The following NFX1 variants were observed in gnomAD, a reference collection of about 807,000 sequenced individuals.
NFX1 encodes the protein transcriptional repressor NF-X1.
A neutral mutation model predicts 137.2 loss-of-function variants in NFX1; 69 were observed. The ratio of observed to expected loss-of-function variants is 0.50; its 90% CI spans 0.41 to 0.61. The LOEUF (loss-of-function observed/expected upper bound fraction) is 0.61, where lower values mean the gene tolerates loss of function less well. Ranked by LOEUF, NFX1 falls within the 20% of genes least tolerant of loss-of-function variation. The pLI is 0.00. For missense variants in NFX1, 1,167 were observed against 1,391.0 expected, an observed-to-expected ratio of 0.84 and a Z score of 2.56; for synonymous variants, 495 against 474.1, an observed-to-expected ratio of 1.04 and a Z score of -0.57.
rs920582359 is a variant in NFX1 at position 33,362,984 on chromosome 9, G to A, written c.2874-1026G>A. On this transcript the variant is annotated intron_variant, in intron 19 of 23. Transcript: ENST00000379540. ...CTCCCAAAGTGCTGGGATTACAGGC[G>A]TGAGCCACCGTACCCAGCCTAAGTT... 1.8e-4 allele frequency among the ~76,000 whole-genome samples: 27 copies of A among 151,944 alleles called. No individual in the cohort carries two copies. In the South Asian group the frequency reaches 1.9e-3, roughly 11 times the overall value.
chr9:33,354,669 G>A (rs1823753469), intron 18 of NFX1, among the ~76,000 whole-genome samples, 182 bp from the exon 19 acceptor site: 2 of 152,174 alleles, frequency 1.3e-5, no homozygotes, highest in South Asian at 4.1e-4. Flanking sequence ...GGTATTTCTA[G>A]GGCAAGGTTA....
chr9:33,348,795 G>A, intron 15 of NFX1: 1 of 984,848 alleles, frequency 1.0e-6, no homozygotes, highest in Non-Finnish European at 1.2e-6. Flanking sequence ...TACCATTCTG[G>A]CATATAAACC....
At chr9:33,353,517 C>T (rs1287738825) in intron 17 of NFX1, among the ~76,000 whole-genome samples, 1 of 152,004 alleles carries the variant, frequency 6.6e-6, no homozygotes, top group African/African-American at 2.4e-5. Flanking sequence ...GTTTGAATAC[C>T]TACTAAGTGC....
intron 9 of NFX1, 145 bp downstream of exon 9, chr9:33,319,272 C>A: frequency 1.4e-6 from 1 of 702,462 alleles, no homozygotes; most frequent in Non-Finnish European, 2.3e-6. Flanking sequence ...GGTACGTTTT[C>A]TTTCCTCCTC....
chr9:33,291,374 A>G (rs1335657288), intron 1 of NFX1, among the ~76,000 whole-genome samples: 3 of 152,236 alleles, frequency 2.0e-5, no homozygotes, highest in African/African-American at 4.8e-5. Flanking sequence ...TTGTTTTACA[A>G]TCAGCAATAT....
At chr9:33,355,865 G>A (rs1232441099) in intron 19 of NFX1, among the ~76,000 whole-genome samples, 2 of 151,882 alleles carry the variant, frequency 1.3e-5, no homozygotes, top group African/African-American at 4.8e-5. Flanking sequence ...GGCTGGTCTC[G>A]AACTCCTGAC....
chr9:33,308,715 C>A (rs1469787307), intron 5 of NFX1, among the ~76,000 whole-genome samples: 2 of 152,174 alleles, frequency 1.3e-5, no homozygotes, highest in African/African-American at 2.4e-5. Context: ...ATTAGTGCAT[C>A]TATGCGGCTC....
intron 11 of NFX1, among the ~76,000 whole-genome samples, chr9:33,335,556 A>G (rs1481967167): frequency 6.6e-6 from 1 of 151,964 alleles, no homozygotes; most frequent in Non-Finnish European, 1.5e-5. Flanking sequence ...TATTTTAAAA[A>G]TATGTTGAGA....
intron 23 of NFX1, among the ~76,000 whole-genome samples, chr9:33,369,343 G>A (rs761432507): frequency 3.3e-5 from 5 of 152,190 alleles, no homozygotes; most frequent in South Asian, 2.1e-4. Context: ...GATTACAGGC[G>A]TGAGCCACCA....
intron 9 of NFX1, among the ~76,000 whole-genome samples, chr9:33,321,938 A>T (rs1346258321): frequency 1.3e-5 from 2 of 151,690 alleles, no homozygotes; most frequent in Non-Finnish European, 2.9e-5. Context: ...AGTGGTTCAC[A>T]TCTGTAATCC....
intron 7 of NFX1, among the ~76,000 whole-genome samples, chr9:33,315,412 T>C (rs1334734426): frequency 6.6e-6 from 1 of 152,184 alleles, no homozygotes; most frequent in Non-Finnish European, 1.5e-5. Context: ...TTTTCTTTTA[T>C]TGAGCCAAAA....
intron 6 of NFX1, among the ~76,000 whole-genome samples, chr9:33,312,769 G>T (rs1480385190): frequency 6.6e-6 from 1 of 152,222 alleles, no homozygotes; most frequent in Non-Finnish European, 1.5e-5. Flanking sequence ...TACTGGGGAG[G>T]TTGAGGTAGG....
intron 6 of NFX1, among the ~76,000 whole-genome samples, chr9:33,312,691 T>C (rs1483209963): frequency 6.6e-6 from 1 of 152,186 alleles, no homozygotes; most frequent in African/African-American, 2.4e-5. Flanking sequence ...GCCAACATGG[T>C]GAAACCCCGT....
chr9:33,307,778 T>TTTTC (rs200849911), intron 5 of NFX1, among the ~76,000 whole-genome samples: 2 of 146,654 alleles, frequency 1.4e-5, no homozygotes, highest in African/African-American at 5.2e-5. Context: ...ATGTCAATCT[T>TTTTC]TTTCTTTCTT....
intron 10 of NFX1, among the ~76,000 whole-genome samples, chr9:33,329,684 A>C (rs1019459663): frequency 6.6e-6 from 1 of 150,542 alleles, no homozygotes; most frequent in African/African-American, 2.5e-5. Context: ...TTTGAGACAG[A>C]GTCTCACTCC....
intron 15 of NFX1, chr9:33,348,382 A>G (rs531637205): frequency 6.6e-6 from 1 of 152,208 alleles, no homozygotes; most frequent in East Asian, 1.9e-4. Context: ...AAAACTACAC[A>G]TTGGGTACAA....
Position 33,352,690 on chromosome 9 carries a change from T to G in NFX1, c.2700T>G (p.Ile900Met). The G allele has an allele frequency of 6.2e-7, 1 of 1,614,214 alleles. No homozygotes were observed. Among genetic ancestry groups the G allele is most frequent in the East Asian group, 2.2e-5 (1 of 44,888 alleles). ...CECGRRKEMV[I>M]CSEASSTYQR... is the part of the protein sequence containing the mutation. Reference sequence around the variant, plus strand: ...GTGGACGAAGAAAAGAGATGGTGATTTGCTCTGAAGCATCTAGTACTTATC... The same window carrying G: ...GTGGACGAAGAAAAGAGATGGTGATGTGCTCTGAAGCATCTAGTACTTATC... Residue 900 changes from isoleucine to methionine, a missense_variant, in exon 17 of 24, where the codon ATT becomes ATG. Coordinates refer to ENST00000379540, the MANE Select transcript of NFX1 (RefSeq NM_002504.6).
intron 23 of NFX1, among the ~76,000 whole-genome samples, chr9:33,369,002 T>G (rs1036107021): frequency 1.3e-5 from 2 of 152,158 alleles, no homozygotes; most frequent in Admixed American, 6.5e-5. Context: ...CAGAGTCGGG[T>G]CCAGTCCTGC....
At chr9:33,303,763 C>T (rs529867014) in intron 4 of NFX1, among the ~76,000 whole-genome samples, 4 of 152,284 alleles carry the variant, frequency 2.6e-5, no homozygotes, top group African/African-American at 9.6e-5. Flanking sequence ...TCTCAGTTCC[C>T]CCAAGTATTA....
Sources: allele counts gnomAD v4.1 joint callset (sites outside exome capture counted in the v4.1 genomes callset), GRCh38; gene constraint gnomAD v4.1.1; transcripts MANE v1.5; gene names NCBI Gene and HGNC (gene_info 2026-07-23, HGNC 2026-07-21).